The following GRIK3 variants were observed in gnomAD, a reference collection of about 807,000 sequenced individuals.
GRIK3 encodes the protein glutamate receptor ionotropic, kainate 3.
GRIK3 carries 29 observed loss-of-function variants against 102.5 expected under a neutral mutation model. That is an observed-to-expected ratio of 0.28 (90% CI 0.21 to 0.39). The LOEUF (loss-of-function observed/expected upper bound fraction) is 0.39, where lower values mean the gene tolerates loss of function less well. GRIK3 is among the 10% of genes least tolerant of loss of function. The probability of loss-of-function intolerance (pLI) is 1.00; values close to 1 mark genes in which losing one functional copy is unlikely to be tolerated. For missense variants in GRIK3, 908 were observed against 1,252.4 expected, an observed-to-expected ratio of 0.73 and a Z score of 4.15; for synonymous variants, 511 against 504.9, an observed-to-expected ratio of 1.01 and a Z score of -0.16.
At chr1:36,904,592 A>G (rs528055516) in intron 1 of GRIK3, among the ~76,000 whole-genome samples, 22 of 152,310 alleles carry the variant, frequency 1.4e-4, no homozygotes, top group African/African-American at 5.1e-4. Flanking sequence ...CATAATATTG[A>G]AAAAAATAGA....
rs550130352 is a variant in GRIK3, at chr1:36,836,989, C to A, written c.1530+4747G>T. On this transcript the variant is annotated intron_variant, in intron 10 of 15. Coordinates refer to ENST00000373091, the MANE Select transcript of GRIK3 (RefSeq NM_000831.4). ...CCTTGAGGCCACTGACCCTCCCCCC[C>A]TTTCTAGTAGCCTCTCTTCCTTGGG... 3.9e-5 allele frequency among the ~76,000 whole-genome samples: 6 copies of A among 152,068 alleles called. No individual in the cohort carries two copies. In the South Asian group the frequency reaches 6.2e-4, roughly 16 times the overall value.
chr1:36,856,952 T>C (rs1293871335), intron 7 of GRIK3, among the ~76,000 whole-genome samples: 3 of 152,094 alleles, frequency 2.0e-5, no homozygotes, highest in African/African-American at 7.2e-5. Flanking sequence ...GAAGTAACAG[T>C]GATGGCAGCC....
intron 1 of GRIK3, among the ~76,000 whole-genome samples, chr1:36,958,284 A>G (rs1335201982): frequency 1.2e-4 from 6 of 50,620 alleles, no homozygotes; most frequent in South Asian, 9.3e-4. Flanking sequence ...TGTGTGCCCC[A>G]TGACTCTGTG....
At chr1:37,030,200 A>G (rs151185111) in intron 1 of GRIK3, among the ~76,000 whole-genome samples, 5 of 152,026 alleles carry the variant, frequency 3.3e-5, no homozygotes, top group East Asian at 3.9e-4. Context: ...AGGGGGGAAA[A>G]CCCTATTGAT....
At chr1:36,917,551 T>C (rs1641415684) in intron 1 of GRIK3, among the ~76,000 whole-genome samples, 3 of 152,202 alleles carry the variant, frequency 2.0e-5, no homozygotes, top group South Asian at 2.1e-4. Context: ...AGGTATTTCT[T>C]GTGCTGTTCT....
chr1:36,822,776 C>T (rs150023877), intron 11 of GRIK3, among the ~76,000 whole-genome samples: 220 of 152,290 alleles, frequency 1.4e-3, no homozygotes, highest in African/African-American at 5.1e-3. Context: ...ACCCTCAGCC[C>T]TGCCTCCTGG....
At chr1:36,973,878 T>G (rs1195462650) in intron 1 of GRIK3, among the ~76,000 whole-genome samples, 1 of 152,184 alleles carries the variant, frequency 6.6e-6, no homozygotes, top group Non-Finnish European at 1.5e-5. Context: ...GACAGTACCC[T>G]GCCCTTGTCT....
At chr1:36,935,729 AAAAC>A (rs1185510376) in intron 1 of GRIK3, among the ~76,000 whole-genome samples, 4 of 152,242 alleles carry the variant, frequency 2.6e-5, no homozygotes, top group African/African-American at 7.2e-5. Flanking sequence ...TATTTAGACT[AAAAC>A]AAACTAACTG....
rs539392195 is a variant in GRIK3, at chr1:36,885,020, G to A, written c.293-4129C>T. On this transcript the variant is annotated intron_variant, in intron 2 of 15. Coordinates refer to ENST00000373091, the MANE Select transcript of GRIK3 (RefSeq NM_000831.4). Reference sequence around the variant, plus strand: ...AGTGACTTTTATTTTGACACAGACTGTGAGGATTATGACAAAGGCAACTGA... The same window carrying A: ...AGTGACTTTTATTTTGACACAGACTATGAGGATTATGACAAAGGCAACTGA... 2.0e-5 allele frequency among the ~76,000 whole-genome samples: 3 copies of A among 152,356 alleles called. No homozygotes were observed. The East Asian group carries it at 5.8e-4, about 29-fold the overall frequency.
In GRIK3 at chr1:36,817,098, C is replaced by T; in HGVS notation, c.2053G>A (p.Gly685Arg). 1 of 1,614,098 alleles carries T rather than the reference C, an allele frequency of 6.2e-7. No homozygotes were observed. Among genetic ancestry groups the T allele is most frequent in the Non-Finnish European group, 8.5e-7 (1 of 1,179,970 alleles). ...ATGGTGGCCCCATCCTTGACAGCCCCATACTCGATTTTGGTTTGCTTGGCC... is the reference window on the plus strand; with the variant it reads ...ATGGTGGCCCCATCCTTGACAGCCCTATACTCGATTTTGGTTTGCTTGGCC... ...DLAKQTKIEY[G>R]AVKDGATMTF... Residue 685 changes from glycine to arginine, a missense_variant, in exon 13 of 16, where the codon GGG becomes AGG. By Grantham distance (125) the Gly-to-Arg change is moderately radical (BLOSUM62 -2). Coordinates refer to ENST00000373091, the MANE Select transcript of GRIK3 (RefSeq NM_000831.4).
intron 1 of GRIK3, among the ~76,000 whole-genome samples, chr1:36,914,503 G>A (rs1641378392): frequency 6.6e-6 from 1 of 152,168 alleles, no homozygotes; most frequent in Admixed American, 6.5e-5. Context: ...TTTTCTGGCA[G>A]AGCATCTTAC....
intron 1 of GRIK3, among the ~76,000 whole-genome samples, chr1:37,002,435 G>A (rs571568183): frequency 2.6e-5 from 4 of 152,226 alleles, no homozygotes; most frequent in East Asian, 1.9e-4. Flanking sequence ...ACAGCATTTC[G>A]GAGAGTGGGT....
intron 7 of GRIK3, among the ~76,000 whole-genome samples, chr1:36,858,285 AT>A (rs1288601080): frequency 6.6e-6 from 1 of 152,214 alleles, no homozygotes; most frequent in Non-Finnish European, 1.5e-5. Flanking sequence ...GGCACTCACT[AT>A]ATCATACTGA....
At chr1:36,885,226 A>C (rs564650514) in intron 2 of GRIK3, among the ~76,000 whole-genome samples, 23 of 152,306 alleles carry the variant, frequency 1.5e-4, no homozygotes, top group Non-Finnish European at 1.6e-4. Flanking sequence ...TGTAGTGGTG[A>C]TAATGACAGG....
intron 1 of GRIK3, among the ~76,000 whole-genome samples, chr1:36,974,150 G>A (rs1642172068): frequency 6.6e-6 from 1 of 152,124 alleles, no homozygotes; most frequent in Non-Finnish European, 1.5e-5. Context: ...CTCCACACCT[G>A]CACTCCTGCT....
At chr1:36,925,994 C>T (rs191451234) in intron 1 of GRIK3, among the ~76,000 whole-genome samples, 12 of 152,294 alleles carry the variant, frequency 7.9e-5, no homozygotes, top group South Asian at 2.1e-4. Flanking sequence ...TCTAGATCAA[C>T]GCCTCACTAA....
intron 1 of GRIK3, among the ~76,000 whole-genome samples, chr1:36,933,164 G>T (rs1235702858): frequency 2.0e-5 from 3 of 152,152 alleles, no homozygotes; most frequent in African/African-American, 7.2e-5. Flanking sequence ...TTTCTAAACA[G>T]TCTGGCAGGC....
chr1:36,802,911 T>C (rs936353116), intron 15 of GRIK3, among the ~76,000 whole-genome samples: 1 of 152,106 alleles, frequency 6.6e-6, no homozygotes, highest in African/African-American at 2.4e-5. Flanking sequence ...CATCCCTCCT[T>C]GCCTCCTTTT....
intron 10 of GRIK3, among the ~76,000 whole-genome samples, chr1:36,826,395 G>A (rs770250139): frequency 1.3e-5 from 2 of 152,220 alleles, no homozygotes; most frequent in Non-Finnish European, 2.9e-5. Flanking sequence ...CAGGCTGGGC[G>A]TTGTGGCTCA....
Sources: gnomAD v4.1 joint callset for allele counts (sites outside exome capture counted in the v4.1 genomes callset) on GRCh38, gnomAD v4.1.1 for gene constraint, MANE v1.5 for transcripts, NCBI Gene and HGNC (gene_info 2026-07-23, HGNC 2026-07-21) for gene names.